The following UBA52 variants were observed in gnomAD, a reference collection of about 807,000 sequenced individuals.
UBA52 encodes ubiquitin A-52 residue ribosomal protein fusion product 1, also known as ubiquitin-ribosomal protein eL40 fusion protein.
In UBA52, 1 loss-of-function variant was observed where a neutral mutation model predicts 15.3. The observed-to-expected ratio is 0.07, with a 90% CI of 0.02 to 0.31. The LOEUF (loss-of-function observed/expected upper bound fraction) is 0.31. Among genes scored for constraint, UBA52 ranks in the 10% least tolerant of loss-of-function variants. The pLI is 1.00. For synonymous variants in UBA52, 50 were observed against 58.3 expected (o/e 0.86, Z 0.65); for missense variants, 87 against 168.0 (o/e 0.52, Z 2.66).
rs1304183781 is a variant in UBA52 at position 18,577,041 on chromosome 19, G to A, written c.*1891G>A. 1 of 142,762 alleles carries A rather than the reference G, an allele frequency of 7.0e-6. No homozygotes were observed. The highest frequency in any genetic ancestry group is 1.5e-5 in the Non-Finnish European group (1 of 66,646). 8.8% of individuals were successfully genotyped at this position (142,762 alleles called of 1,614,324 possible). A position where few individuals can be genotyped will look rare whatever the true frequency, so the allele number is the denominator to read the frequency against. Reference sequence around the variant, plus strand: ...ATGTTGCCCAGAATGGTTTTGCACTGGGTCCAAGCAGTTCTGCCGCAGCCT... The same window carrying A: ...ATGTTGCCCAGAATGGTTTTGCACTAGGTCCAAGCAGTTCTGCCGCAGCCT... On this transcript the variant is annotated 3_prime_UTR_variant, in exon 5 of 5. Coordinates refer to ENST00000442744, the MANE Select transcript of UBA52 (RefSeq NM_001033930.3).
At chr19:18,564,807 G>T in the UBA52 span, 4 of 1,590,384 alleles carry the variant, frequency 2.5e-6, no homozygotes, top group Non-Finnish European at 3.4e-6. Flanking sequence ...CAGTCTTCTG[G>T]GCCAGGTTGG....
At chr19:18,569,310 T>A (rs2145269061), upstream of UBA52, 1 of 152,784 alleles carries the variant, frequency 6.5e-6, no homozygotes, top group South Asian at 2.1e-4. Context: ...GGAATATTTT[T>A]GTACCCGATG....
upstream of UBA52, chr19:18,568,463 G>A (rs200382590): frequency 3.4e-5 from 55 of 1,613,748 alleles, no homozygotes; most frequent in Non-Finnish European, 4.2e-5. Flanking sequence ...CCAGCACCAC[G>A]ACCACCATTG....
the UBA52 span, among the ~76,000 whole-genome samples, chr19:18,564,702 G>C: frequency 2.6e-5 from 4 of 152,176 alleles, no homozygotes; most frequent in African/African-American, 9.6e-5. Flanking sequence ...GGTTGAATAG[G>C]AGTTTGCTAG....
chr19:18,572,446 C>T (rs1195087103), intron 1 of UBA52: 1 of 152,246 alleles, frequency 6.6e-6, no homozygotes, highest in East Asian at 1.9e-4. Flanking sequence ...TCTTCTGCCT[C>T]AGCCTCCCGA....
upstream of UBA52, among the ~76,000 whole-genome samples, chr19:18,570,439 T>C (rs1039089071): frequency 6.6e-6 from 1 of 151,454 alleles, no homozygotes; most frequent in African/African-American, 2.4e-5. Context: ...TGACCTCAAG[T>C]AATCCTCCCT....
In UBA52 at chr19:18,575,390, C is replaced by T; in HGVS notation, c.*240C>T. The T allele has an allele frequency of 1.9e-6, 1 of 526,410 alleles. No individual in the cohort carries two copies. 32.6% of individuals were successfully genotyped at this position (526,410 alleles called of 1,614,324 possible). Reference sequence around the variant, plus strand: ...TCGGCATTGGTCCCTGCCCTATGCCCCTGACTCTGGATTTGTCATCTGTAA... The same window carrying T: ...TCGGCATTGGTCCCTGCCCTATGCCTCTGACTCTGGATTTGTCATCTGTAA... On this transcript the variant is annotated 3_prime_UTR_variant, in exon 5 of 5. Transcript: ENST00000442744.
chr19:18,566,076 C>A, the UBA52 span, among the ~76,000 whole-genome samples: 2 of 152,180 alleles, frequency 1.3e-5, no homozygotes, highest in Non-Finnish European at 2.9e-5. Context: ...GATGATCCAT[C>A]CACCTCGACC....
intron 1 of UBA52, 88 bp from the exon 2 acceptor site, chr19:18,573,205 G>T: frequency 7.6e-7 from 1 of 1,320,192 alleles, no homozygotes; most frequent in East Asian, 2.4e-5. Context: ...GCAGGCAAAG[G>T]GATAGCAACT....
upstream of UBA52, chr19:18,567,460 T>C (rs147321113): frequency 2.4e-4 from 169 of 707,268 alleles, no homozygotes; most frequent in African/African-American, 2.5e-3. Context: ...TTATGAGCCA[T>C]CTCAGAACAG....
the UBA52 span, chr19:18,565,322 C>T: frequency 2.2e-5 from 12 of 538,442 alleles, no homozygotes; most frequent in South Asian, 5.9e-5. Flanking sequence ...CTCCGCTTCC[C>T]GGGCTCACGC....
At chr19:18,564,893 T>A in the UBA52 span, 1 of 1,611,548 alleles carries the variant, frequency 6.2e-7, no homozygotes, top group African/African-American at 1.3e-5. Flanking sequence ...AGAAGACCAA[T>A]GAGATGCTGC....
chr19:18,563,776 A>C, the UBA52 span, among the ~76,000 whole-genome samples: 1 of 152,026 alleles, frequency 6.6e-6, no homozygotes, highest in Non-Finnish European at 1.5e-5. Context: ...TGCTGGGATT[A>C]CAGGTGTGAG....
chr19:18,573,042 A>G, intron 1 of UBA52: 2 of 1,324,250 alleles, frequency 1.5e-6, no homozygotes, highest in Non-Finnish European at 1.9e-6. Context: ...GTTCCTGAAG[A>G]GCACCCGTGC....
Position 18,574,875 on chromosome 19 carries a change from A to C in UBA52, c.196A>C (p.Thr66Pro). ...CTTCTGGCTGTCTCCTGCAGAGTCC[A>C]CCCTGCACCTGGTGTTGCGCCTGCG... is the stretch of plus-strand genomic sequence containing the variant. ...LSDYNIQKES[T>P]LHLVLRLRGG... The change falls in exon 4 of 5, where the codon ACC becomes CCC. Residue 66 changes from threonine (T) to proline (P), a missense_variant. Physicochemically the swap from Thr to Pro is conservative, Grantham distance 38. Coordinates refer to ENST00000442744, the MANE Select transcript of UBA52 (RefSeq NM_001033930.3). 1 of 1,613,156 alleles carries C rather than the reference A, an allele frequency of 6.2e-7. No individual in the cohort carries two copies.
intron 1 of UBA52, chr19:18,573,084 GT>G: frequency 7.9e-7 from 1 of 1,269,102 alleles, no homozygotes; most frequent in Non-Finnish European, 1.0e-6. Context: ...GTGGTCTTTA[GT>G]TCCAGGACAT....
Position 18,573,722 on chromosome 19 carries a change from C to G in UBA52, c.164C>G (p.Thr55Ser). 1 of 1,614,154 alleles carries G rather than the reference C, an allele frequency of 6.2e-7. No individual in the cohort carries two copies. The change falls in exon 3 of 5, where the codon ACT becomes AGT. Residue 55 changes from threonine to serine, a missense_variant. Coordinates refer to ENST00000442744, the MANE Select transcript of UBA52 (RefSeq NM_001033930.3). ...FAGKQLEDGRTLSDYNIQKES... is the reference protein window; with the variant it reads ...FAGKQLEDGRSLSDYNIQKES... ...GGCAAACAGCTGGAGGATGGCCGCACTCTCTCAGACTACAACATCCAGAAA... is the reference window on the plus strand; with the variant it reads ...GGCAAACAGCTGGAGGATGGCCGCAGTCTCTCAGACTACAACATCCAGAAA...
intron 3 of UBA52, among the ~76,000 whole-genome samples, chr19:18,574,041 T>C (rs1417161915): frequency 6.6e-6 from 1 of 151,964 alleles, no homozygotes; most frequent in Non-Finnish European, 1.5e-5. Context: ...ATCCCAGCAC[T>C]TCGGGAGGCT....
the UBA52 span, among the ~76,000 whole-genome samples, chr19:18,565,468 G>A: frequency 6.8e-4 from 104 of 152,182 alleles, no homozygotes; most frequent in South Asian, 1.4e-3. Flanking sequence ...TCCTGACCTC[G>A]TGATCCAGCC....
Sources: gnomAD v4.1 joint callset for allele counts (sites outside exome capture counted in the v4.1 genomes callset) on GRCh38, gnomAD v4.1.1 for gene constraint, MANE v1.5 for transcripts, NCBI Gene and HGNC (gene_info 2026-07-23, HGNC 2026-07-21) for gene names.